PCDHGA2: variants seen among roughly 807,000 people sequenced by gnomAD.
PCDHGA2 encodes the protein protocadherin gamma-A2.
In PCDHGA2, 40 loss-of-function variants were observed where a neutral mutation model predicts 59.2. That is an observed-to-expected ratio of 0.68 (90% confidence interval 0.52 to 0.88). The LOEUF (loss-of-function observed/expected upper bound fraction) is 0.88. Ranked by LOEUF, PCDHGA2 falls within the 40% of genes least tolerant of loss-of-function variation. PCDHGA2 has a pLI of 0.00. For missense variants in PCDHGA2, 1,226 were observed against 1,204.0 expected (o/e 1.02, Z -0.27); for synonymous variants, 560 against 526.0 (o/e 1.06, Z -0.89).
chr5:141,485,949 T>C lies in PCDHGA2; in HGVS notation c.2425-8858T>C. Reference sequence around the variant, plus strand: ...GTGTTGGAGAGCGCACCAGCGGGCATGGTGCTCATCCAGCTCAATGCCTCA... The same window carrying C: ...GTGTTGGAGAGCGCACCAGCGGGCACGGTGCTCATCCAGCTCAATGCCTCA... On this transcript the variant is annotated intron_variant, in intron 1 of 3. Transcript: ENST00000394576. This position sits in a 1 kb window ranked among gnomAD's most constrained non-coding sequence, Gnocchi z 5.7. 2 of 1,614,178 alleles carry C rather than the reference T, an allele frequency of 1.2e-6. No individual in the cohort carries two copies.
chr5:141,419,705 C>A, intron 1 of PCDHGA2: 1 of 1,613,038 alleles, frequency 6.2e-7, no homozygotes, highest in South Asian at 1.1e-5. Flanking sequence ...TGAGCCCGGG[C>A]TCTTCAGCCT....
intron 1 of PCDHGA2, among the ~76,000 whole-genome samples, chr5:141,463,087 C>T (rs971667191): frequency 6.6e-6 from 1 of 152,120 alleles, no homozygotes; most frequent in Non-Finnish European, 1.5e-5. Context: ...CATTTTCCAG[C>T]CCTATGTGAC....
At position 141,432,643 on chromosome 5, in the gene PCDHGA2, G is replaced by A. The variant is rs2097523971; in HGVS notation, c.2425-62164G>A. 15 of 1,613,754 alleles carry A rather than the reference G, an allele frequency of 9.3e-6. No homozygotes were observed. Among genetic ancestry groups the A allele is most frequent in the East Asian group, 4.5e-5 (2 of 44,860 alleles). ...GTCTGCACACGGGCGAGGTGCGCAC[G>A]GCGCGAGCCCTGCTGGACAGAGACG... On this transcript the variant is annotated intron_variant, in intron 1 of 3. Coordinates refer to ENST00000394576, the MANE Select transcript of PCDHGA2 (RefSeq NM_018915.4). This position sits in a 1 kb window ranked among gnomAD's most constrained non-coding sequence, Gnocchi z 6.0.
chr5:141,477,749 C>A lies in PCDHGA2; in HGVS notation c.2425-17058C>A, dbSNP rs2099417192. The A allele has an allele frequency of 6.2e-7, 1 of 1,613,786 alleles. No homozygotes were observed. Among genetic ancestry groups the A allele is most frequent in the African/African-American group, 1.3e-5 (1 of 74,928 alleles). ...AGCTCATATCAGCGATGGGGGCACCCCGGTCCTAGCCACCAACATCAGCGT... is the reference window on the plus strand; with the variant it reads ...AGCTCATATCAGCGATGGGGGCACCACGGTCCTAGCCACCAACATCAGCGT... On this transcript the variant is annotated intron_variant, in intron 1 of 3. Coordinates refer to ENST00000394576, the MANE Select transcript of PCDHGA2 (RefSeq NM_018915.4). This position sits in a 1 kb window ranked among gnomAD's most constrained non-coding sequence, Gnocchi z 4.9.
chr5:141,392,894 G>A (rs1327938971), intron 1 of PCDHGA2: 14 of 1,613,802 alleles, frequency 8.7e-6, no homozygotes, highest in Non-Finnish European at 1.2e-5. Flanking sequence ...GGGAAATCGG[G>A]AGGGGACAGA....
At chr5:141,428,070 T>G (rs756684090) in intron 1 of PCDHGA2, 7 of 1,609,106 alleles carry the variant, frequency 4.4e-6, no homozygotes, top group Non-Finnish European at 5.1e-6. Context: ...GGACGCAGAT[T>G]CGGGACACAA....
At chr5:141,417,667 C>A (rs545100460) in intron 1 of PCDHGA2, 5 of 918,744 alleles carry the variant, frequency 5.4e-6, no homozygotes, top group South Asian at 3.8e-5. Flanking sequence ...GGATTCCCTG[C>A]GCAGCCAACA....
chr5:141,348,971 G>T (rs935801393), intron 1 of PCDHGA2, among the ~76,000 whole-genome samples: 2 of 152,136 alleles, frequency 1.3e-5, no homozygotes, highest in Admixed American at 6.5e-5. Flanking sequence ...CCAAAATTGG[G>T]TGTCTAAGAA....
At chr5:141,430,687 T>A in intron 1 of PCDHGA2, 3 of 1,399,922 alleles carry the variant, frequency 2.1e-6, no homozygotes, top group Non-Finnish European at 9.5e-7. Flanking sequence ...TGTCCCATTC[T>A]ATGGGCGAAG....
intron 1 of PCDHGA2, among the ~76,000 whole-genome samples, chr5:141,436,122 C>T (rs909678739): frequency 4.6e-5 from 7 of 152,128 alleles, no homozygotes; most frequent in African/African-American, 7.2e-5. Flanking sequence ...AACCTCTCTC[C>T]TCCATCATCT....
At position 141,487,249 on chromosome 5, in the gene PCDHGA2, C is replaced by T. The variant is rs757148469; in HGVS notation, c.2425-7558C>T. ...AAGGAGAATCTCGTCTAACCCTCTACTTGGCTGTGTCCCTAGTGGCAATTT... is the reference window on the plus strand; with the variant it reads ...AAGGAGAATCTCGTCTAACCCTCTATTTGGCTGTGTCCCTAGTGGCAATTT... On this transcript the variant is annotated intron_variant, in intron 1 of 3. Coordinates refer to ENST00000394576, the MANE Select transcript of PCDHGA2 (RefSeq NM_018915.4). The surrounding 1 kb of genome is among the most constrained non-coding windows in gnomAD (Gnocchi z 5.0). 2.5e-6 allele frequency: 4 copies of T among 1,614,164 alleles called. No homozygotes were observed. In the South Asian group the frequency reaches 4.4e-5, roughly 18 times the overall value.
intron 2 of PCDHGA2, among the ~76,000 whole-genome samples, chr5:141,497,859 G>A (rs188372194): frequency 2.0e-4 from 31 of 152,134 alleles, no homozygotes; most frequent in Middle Eastern, 6.8e-3. Context: ...TTGATTCAGC[G>A]GCTCCAAAGT....
At chr5:141,355,304 T>C (rs1023536266) in intron 1 of PCDHGA2, 2 of 1,613,812 alleles carry the variant, frequency 1.2e-6, no homozygotes, top group African/African-American at 2.7e-5. Context: ...CTCTACTCGG[T>C]GTTTGAGGAG....
chr5:141,482,752 T>C (rs1361016909), intron 1 of PCDHGA2, among the ~76,000 whole-genome samples: 1 of 127,096 alleles, frequency 7.9e-6, no homozygotes, highest in Non-Finnish European at 1.6e-5. Context: ...AGAGGGATTA[T>C]GGTATTTCAT....
chr5:141,454,740 G>GAGGCC (rs2098797560), intron 1 of PCDHGA2, among the ~76,000 whole-genome samples: 1 of 147,160 alleles, frequency 6.8e-6, no homozygotes, highest in Non-Finnish European at 1.5e-5. Flanking sequence ...AGGATGAAAA[G>GAGGCC]AGGCCAAACT....
intron 1 of PCDHGA2, chr5:141,430,604 A>C (rs1288378907): frequency 7.8e-6 from 5 of 641,158 alleles, no homozygotes; most frequent in Non-Finnish European, 1.2e-5. Context: ...CGCCTGAAGC[A>C]CAAAGCAGAT....
At chr5:141,482,382 T>C (rs935517099) in intron 1 of PCDHGA2, among the ~76,000 whole-genome samples, 1 of 152,146 alleles carries the variant, frequency 6.6e-6, no homozygotes, top group Admixed American at 6.6e-5. Context: ...ATAAAGTCCC[T>C]GTATGGAGCA....
At chr5:141,455,330 G>T (rs2098819667) in intron 1 of PCDHGA2, among the ~76,000 whole-genome samples, 1 of 152,042 alleles carries the variant, frequency 6.6e-6, no homozygotes, top group South Asian at 2.1e-4. Context: ...GTGTGTTTGT[G>T]GTTTTAAGGA....
chr5:141,408,475 C>A, intron 1 of PCDHGA2: 3 of 1,614,032 alleles, frequency 1.9e-6, no homozygotes, highest in Non-Finnish European at 1.7e-6. Flanking sequence ...ACCGAATAGA[C>A]CGTGAGCAAA....
Sources: gnomAD v4.1 joint callset for allele counts (sites outside exome capture counted in the v4.1 genomes callset) on GRCh38, gnomAD v4.1.1 for gene constraint, Gnocchi (gnomAD v3.1) non-coding constraint, MANE v1.5 for transcripts, NCBI Gene and HGNC (gene_info 2026-07-23, HGNC 2026-07-21) for gene names.